The following IL12RB2 variants were observed in gnomAD, a reference collection of about 807,000 sequenced individuals.
IL12RB2 encodes the protein interleukin-12 receptor subunit beta-2.
In IL12RB2, 82 loss-of-function variants were observed where a neutral mutation model predicts 89.4. That is an observed-to-expected ratio of 0.92 (90% confidence interval 0.77 to 1.10). The LOEUF (loss-of-function observed/expected upper bound fraction) is 1.10, where lower values mean the gene tolerates loss of function less well. Among genes scored for constraint, IL12RB2 ranks in the 50% least tolerant of loss-of-function variants. The probability of loss-of-function intolerance (pLI) is 0.00; values close to 1 mark genes in which losing one functional copy is unlikely to be tolerated. For missense variants in IL12RB2, 963 were observed against 1,031.9 expected, an observed-to-expected ratio of 0.93 and a Z score of 0.92; for synonymous variants, 368 against 370.1, an observed-to-expected ratio of 0.99 and a Z score of 0.07.
At chr1:67,355,531 A>G (rs897778946) in intron 10 of IL12RB2, among the ~76,000 whole-genome samples, 1 of 152,266 alleles carries the variant, frequency 6.6e-6, no homozygotes, top group Middle Eastern at 3.4e-3. Flanking sequence ...TCTTGAAACT[A>G]CAGGAAGAGT....
At chr1:67,349,103 T>C (rs758352986) in intron 9 of IL12RB2, among the ~76,000 whole-genome samples, 2 of 152,206 alleles carry the variant, frequency 1.3e-5, no homozygotes, top group Non-Finnish European at 2.9e-5. Context: ...TGCACAGCCA[T>C]TGGATCCAAG....
chr1:67,389,847 G>A (rs1665614412), intron 15 of IL12RB2, among the ~76,000 whole-genome samples, 182 bp from the exon 16 acceptor site: 1 of 152,204 alleles, frequency 6.6e-6, no homozygotes, highest in Admixed American at 6.5e-5. Context: ...TCAAGTGGCT[G>A]TGTTGTAATT....
intron 2 of IL12RB2, among the ~76,000 whole-genome samples, chr1:67,317,804 G>T (rs1655970986): frequency 6.6e-6 from 1 of 152,192 alleles, no homozygotes; most frequent in Non-Finnish European, 1.5e-5. Context: ...AGTGTTAAGT[G>T]CTGGTATTCA....
Position 67,320,917 on chromosome 1 carries a change from C to T in IL12RB2, c.76+473C>T, listed in dbSNP as rs569868758. Among the ~76,000 whole-genome samples the T allele has an allele frequency of 1.0e-3, 83 of 80,210 alleles. 2 individuals carry two copies. The South Asian group carries it at 0.034, about 32-fold the overall frequency. The allele number at this position is 80,210 out of a possible 152,430, so 52.6% of individuals were successfully genotyped here. A position where few individuals can be genotyped will look rare whatever the true frequency, so the allele number is the denominator to read the frequency against. ...CCCCACCCCATGACAGGCCCTGGTT[C>T]GTGATGCCCACCCCCACCCCCGTGT... On this transcript the variant is annotated intron_variant, in intron 3 of 16. Coordinates refer to ENST00000674203, the MANE Select transcript of IL12RB2 (RefSeq NM_001374259.2).
At chr1:67,322,561 T>C (rs917695737) in intron 4 of IL12RB2, among the ~76,000 whole-genome samples, 2 of 151,462 alleles carry the variant, frequency 1.3e-5, no homozygotes, top group African/African-American at 2.4e-5. Context: ...CAAAAGCAAA[T>C]GCCAGGTGGT....
In IL12RB2 at chr1:67,318,443, G is replaced by A. The variant is rs117177559; in HGVS notation, c.-36-1890G>A. Among the ~76,000 whole-genome samples the A allele has an allele frequency of 7.2e-5, 11 of 152,284 alleles. No homozygotes were observed. In the East Asian group the frequency reaches 7.7e-4, roughly 11 times the overall value. On this transcript the variant is annotated intron_variant, in intron 2 of 16. Transcript: ENST00000674203. ...GGATGGTTTGGAAAGACATGTTGAC[G>A]GCTAGAATAGACTAGGGGAGAGATG...
intron 4 of IL12RB2, among the ~76,000 whole-genome samples, chr1:67,323,696 A>G (rs1656892485): frequency 6.6e-6 from 1 of 152,200 alleles, no homozygotes; most frequent in South Asian, 2.1e-4. Flanking sequence ...ATTTCCTCGC[A>G]TGCACCCTTT....
intron 16 of IL12RB2, among the ~76,000 whole-genome samples, chr1:67,390,880 C>A (rs1665739232): frequency 6.6e-6 from 1 of 152,082 alleles, no homozygotes; most frequent in African/African-American, 2.4e-5. Flanking sequence ...CTCCAGGCTC[C>A]CTTTCCAAGA....
At chr1:67,394,380 C>A (rs1457305889) in intron 16 of IL12RB2, among the ~76,000 whole-genome samples, 1 of 151,974 alleles carries the variant, frequency 6.6e-6, no homozygotes, top group Non-Finnish European at 1.5e-5. Flanking sequence ...AATAAAGTGC[C>A]AAGGACTTGG....
intron 3 of IL12RB2, 100 bp downstream of exon 3, chr1:67,320,544 C>A (rs1253060864): frequency 1.3e-6 from 2 of 1,582,422 alleles, no homozygotes; most frequent in African/African-American, 1.3e-5. Flanking sequence ...GGTAGTTGGT[C>A]TTTTGTAGTC....
At chr1:67,392,797 AT>A (rs1363976066) in intron 16 of IL12RB2, among the ~76,000 whole-genome samples, 17 of 151,442 alleles carry the variant, frequency 1.1e-4, no homozygotes, top group Non-Finnish European at 2.5e-4. Flanking sequence ...CGCCTGGCTA[AT>A]TTTTTTGTAT....
intron 16 of IL12RB2, among the ~76,000 whole-genome samples, chr1:67,394,677 T>C (rs1214898255): frequency 6.6e-6 from 1 of 152,184 alleles, no homozygotes; most frequent in Non-Finnish European, 1.5e-5. Flanking sequence ...CTTGCATCAC[T>C]TAAAAGGCCC....
At chr1:67,354,932 G>A (rs1661221847) in intron 10 of IL12RB2, among the ~76,000 whole-genome samples, 1 of 152,216 alleles carries the variant, frequency 6.6e-6, no homozygotes, top group Admixed American at 6.5e-5. Context: ...AGAGGCACAA[G>A]AATGATTTTG....
intron 14 of IL12RB2, among the ~76,000 whole-genome samples, chr1:67,384,732 A>G (rs925483543): frequency 6.6e-6 from 1 of 152,144 alleles, no homozygotes; most frequent in African/African-American, 2.4e-5. Flanking sequence ...ATCTCTCTCA[A>G]GTTCAAAGTT....
In IL12RB2 at chr1:67,372,666, A is replaced by C; in HGVS notation, c.1600A>C (p.Lys534Gln). 8 of 1,613,452 alleles carry C rather than the reference A, an allele frequency of 5.0e-6. No homozygotes were observed. The highest frequency in any genetic ancestry group is 6.8e-6 in the Non-Finnish European group (8 of 1,179,368). ...GPHINAITEE[K>Q]GSILISWNSI... ...CCACATTAATGCCATCACAGAGGAA[A>C]AGGGGAGCATTTTAATTTCATGGAA... is the stretch of plus-strand genomic sequence containing the variant. Residue 534 changes from lysine to glutamine, a missense_variant, in exon 13 of 17, where the codon AAG becomes CAG. Transcript: ENST00000674203.
At chr1:67,390,940 T>C (rs935792763) in intron 16 of IL12RB2, among the ~76,000 whole-genome samples, 5 of 152,130 alleles carry the variant, frequency 3.3e-5, no homozygotes, top group Non-Finnish European at 7.3e-5. Context: ...ACCGAGTATG[T>C]TCTGTCATCC....
intron 5 of IL12RB2, 68 bp from the exon 6 acceptor site, chr1:67,328,132 C>T: frequency 9.3e-7 from 1 of 1,080,560 alleles, no homozygotes; most frequent in Non-Finnish European, 1.4e-6. Flanking sequence ...ACATTTTGTT[C>T]TTTTCTACTG....
At chr1:67,307,844 G>C (rs546678945), upstream of IL12RB2, 2 of 152,140 alleles carry the variant, frequency 1.3e-5, no homozygotes, top group African/African-American at 4.8e-5. Context: ...GAGGGCGGGC[G>C]CTGGCACCGG....
intron 10 of IL12RB2, among the ~76,000 whole-genome samples, chr1:67,361,888 CA>C (rs1200555358): frequency 6.6e-5 from 10 of 152,028 alleles, no homozygotes; most frequent in Admixed American, 6.6e-4. Flanking sequence ...GGCAGAAAAT[CA>C]AAGATAAAGA....
Sources: allele counts gnomAD v4.1 joint callset (sites outside exome capture counted in the v4.1 genomes callset), GRCh38; gene constraint gnomAD v4.1.1; transcripts MANE v1.5; gene names NCBI Gene and HGNC (gene_info 2026-07-23, HGNC 2026-07-21).